HMGB1: variants seen among roughly 807,000 people sequenced by gnomAD.
HMGB1 encodes the protein high mobility group box 1.
For missense variants in HMGB1, 79 were observed against 253.5 expected, an observed-to-expected ratio of 0.31 and a Z score of 4.67; for synonymous variants, 81 against 84.0, an observed-to-expected ratio of 0.96 and a Z score of 0.19.
chr13:30,595,127 T>C (rs1871548099), intron 1 of HMGB1, among the ~76,000 whole-genome samples: 2 of 107,626 alleles, frequency 1.9e-5, no homozygotes, highest in Non-Finnish European at 3.6e-5. Flanking sequence ...CAACAGTTTT[T>C]CCTGGTTCTA....
intron 1 of HMGB1, 49 bp from the exon 2 acceptor site, chr13:30,463,743 T>C: frequency 1.6e-6 from 2 of 1,247,870 alleles, no homozygotes; most frequent in Non-Finnish European, 2.2e-6. Flanking sequence ...TTATGACATA[T>C]AAGACCTTAA....
intron 1 of HMGB1, among the ~76,000 whole-genome samples, chr13:30,495,584 T>C (rs1385498034): frequency 6.6e-6 from 1 of 151,636 alleles, no homozygotes; most frequent in Non-Finnish European, 1.5e-5. Context: ...GTTCACACCA[T>C]TCTCCCGCCT....
At chr13:30,525,543 C>T (rs1255132874) in intron 1 of HMGB1, among the ~76,000 whole-genome samples, 1 of 152,052 alleles carries the variant, frequency 6.6e-6, no homozygotes, top group Non-Finnish European at 1.5e-5. Context: ...TTTTTGATAA[C>T]AAGAATATTG....
intron 1 of HMGB1, among the ~76,000 whole-genome samples, chr13:30,506,442 T>C (rs1185534282): frequency 6.6e-6 from 1 of 152,142 alleles, no homozygotes; most frequent in East Asian, 1.9e-4. Flanking sequence ...AGCCAACATT[T>C]ATTGAACCCT....
intron 1 of HMGB1, among the ~76,000 whole-genome samples, chr13:30,584,063 G>A (rs1289972343): frequency 2.0e-5 from 3 of 147,010 alleles, no homozygotes. Flanking sequence ...AGGAAAAGAA[G>A]AGAGAGAGAG....
chr13:30,505,386 G>GC (rs1887834648), intron 1 of HMGB1, among the ~76,000 whole-genome samples: 1 of 151,670 alleles, frequency 6.6e-6, no homozygotes, highest in Admixed American at 6.6e-5. Context: ...CACCGTGTTA[G>GC]CCAGGATGGT....
intron 1 of HMGB1, among the ~76,000 whole-genome samples, chr13:30,528,198 C>T (rs1466512147): frequency 6.6e-6 from 1 of 152,146 alleles, no homozygotes; most frequent in African/African-American, 2.4e-5. Context: ...GCTCCCATCG[C>T]CAGCAAAATG....
intron 1 of HMGB1, among the ~76,000 whole-genome samples, chr13:30,597,593 T>G (rs1287296901): frequency 6.6e-6 from 1 of 152,212 alleles, no homozygotes; most frequent in Admixed American, 6.5e-5. Context: ...TTTCTCATAC[T>G]CAACTGTTTA....
chr13:30,546,422 G>A (rs1381349180), intron 1 of HMGB1, among the ~76,000 whole-genome samples: 3 of 152,020 alleles, frequency 2.0e-5, no homozygotes, highest in Non-Finnish European at 2.9e-5. Flanking sequence ...CCAACCTCAC[G>A]TTTTATACTT....
At chr13:30,516,138 C>T (rs1050261877) in intron 1 of HMGB1, among the ~76,000 whole-genome samples, 2 of 152,082 alleles carry the variant, frequency 1.3e-5, no homozygotes, top group Non-Finnish European at 1.5e-5. Context: ...AATATACTTA[C>T]GACAGAATCT....
In HMGB1 at chr13:30,458,331, G is replaced by GTTTTTTTTTTTTTTTTTTTTTTT. The variant is rs398022159; in HGVS notation, c.*3025_*3026insAAAAAAAAAAAAAAAAAAAAAAA. The GTTTTTTTTTTTTTTTTTTTTTTT allele has an allele frequency of 7.3e-6, 1 of 137,034 alleles. No individual in the cohort carries two copies. Among genetic ancestry groups the GTTTTTTTTTTTTTTTTTTTTTTT allele is most frequent in the African/African-American group, 2.8e-5 (1 of 36,242 alleles). 8.5% of individuals were successfully genotyped at this position (137,034 alleles called of 1,614,324 possible). On this transcript the variant is annotated 3_prime_UTR_variant, in exon 5 of 5. Transcript: ENST00000341423. ...TTCAAAAACCAGTTGTCTCTCCTGTGTTTTTTTTTTTTTTTTGAGATGGAG... is the reference window on the plus strand; with the variant it reads ...TTCAAAAACCAGTTGTCTCTCCTGTGTTTTTTTTTTTTTTTTTTTTTTTTTTTTTTTTTTTTTTTGAGATGGAG...
intron 4 of HMGB1, 110 bp from the exon 5 acceptor site, chr13:30,461,643 A>G (rs780847361): frequency 8.8e-6 from 14 of 1,589,008 alleles, no homozygotes; most frequent in Non-Finnish European, 1.2e-5. Context: ...TTATACCAAA[A>G]TATCACGTAT....
At chr13:30,523,634 T>G (rs1008648590) in intron 1 of HMGB1, among the ~76,000 whole-genome samples, 18 of 152,162 alleles carry the variant, frequency 1.2e-4, no homozygotes, top group Admixed American at 4.6e-4. Flanking sequence ...AAAGAACCAG[T>G]GTCCTTTTCA....
At chr13:30,465,092 G>C (rs1886679563) in intron 1 of HMGB1, 1 of 924,950 alleles carries the variant, frequency 1.1e-6, no homozygotes, top group African/African-American at 1.8e-5. Flanking sequence ...GCTGCGCCCA[G>C]CTCCCCCGCC....
At chr13:30,502,634 C>CTTTAT (rs1255877924) in intron 1 of HMGB1, among the ~76,000 whole-genome samples, 1 of 78,876 alleles carries the variant, frequency 1.3e-5, no homozygotes, top group African/African-American at 3.2e-5. Flanking sequence ...GCAGATTTTA[C>CTTTAT]TTTACTTTAT....
intron 1 of HMGB1, among the ~76,000 whole-genome samples, chr13:30,491,431 T>C (rs1887489462): frequency 7.0e-6 from 1 of 142,026 alleles, no homozygotes; most frequent in African/African-American, 3.1e-5. Flanking sequence ...TGCCTGTAAT[T>C]CCAACACTTC....
chr13:30,563,682 A>G (rs1317063050), intron 1 of HMGB1, among the ~76,000 whole-genome samples: 1 of 152,226 alleles, frequency 6.6e-6, no homozygotes, highest in African/African-American at 2.4e-5. Context: ...CATGCACTTC[A>G]AAGGCTAGCA....
At chr13:30,537,213 T>C (rs2137493485) in intron 1 of HMGB1, among the ~76,000 whole-genome samples, 1 of 152,298 alleles carries the variant, frequency 6.6e-6, no homozygotes, top group Non-Finnish European at 1.5e-5. Flanking sequence ...TCTTAAGTTA[T>C]TCTGTCTTGA....
chr13:30,492,408 G>A (rs568626323), intron 1 of HMGB1, among the ~76,000 whole-genome samples: 5 of 151,776 alleles, frequency 3.3e-5, no homozygotes, highest in African/African-American at 1.2e-4. Flanking sequence ...ATAATGGACT[G>A]GTATCTAGAA....
Sources: gnomAD v4.1 joint callset for allele counts (sites outside exome capture counted in the v4.1 genomes callset) on GRCh38, gnomAD v4.1.1 for gene constraint, MANE v1.5 for transcripts, NCBI Gene and HGNC (gene_info 2026-07-23, HGNC 2026-07-21) for gene names.